RPF2: variants seen among roughly 807,000 people sequenced by gnomAD.
RPF2 encodes brix domain containing 1.
A neutral mutation model predicts 38.9 loss-of-function variants in RPF2; 21 were observed. That is an observed-to-expected ratio of 0.54 (90% CI 0.38 to 0.78). RPF2 has a LOEUF of 0.78. Among genes scored for constraint, RPF2 ranks in the 30% least tolerant of loss-of-function variants. The pLI is 0.00. For synonymous variants in RPF2, 121 were observed against 126.2 expected (o/e 0.96, Z 0.28); for missense variants, 314 against 358.1 (o/e 0.88, Z 0.99).
In RPF2 at chr6:110,985,010, C is replaced by T; in HGVS notation, c.28C>T (p.Pro10Ser). The change falls in exon 2 of 10, where the codon CCC becomes TCC. Residue 10 changes from proline (P) to serine (S), a missense_variant. Coordinates refer to ENST00000441448, the MANE Select transcript of RPF2 (RefSeq NM_032194.3). The stretch of plus-strand genomic sequence containing the variant: ...GAATTGTGCTTTTCTGAACAGAAAG[C>T]CCAAAACGAAAAGAGCCAAGAGATT... MDTLDRVVK[P>S]KTKRAKRFLE... The T allele has an allele frequency of 6.2e-7, 1 of 1,608,364 alleles. No homozygotes were observed. Among genetic ancestry groups the T allele is most frequent in the Non-Finnish European group, 8.5e-7 (1 of 1,177,914 alleles).
In RPF2 at chr6:111,025,618, C is replaced by T; in HGVS notation, c.*36C>T. On this transcript the variant is annotated 3_prime_UTR_variant, in exon 10 of 10. Transcript: ENST00000441448. ...CCAGCCACTACTGTTTCATTGTGTT[C>T]TACTTAAGAGAATTATCAAGCGTCA... 2 of 1,499,716 alleles carry T rather than the reference C, an allele frequency of 1.3e-6. No homozygotes were observed. Among genetic ancestry groups the T allele is most frequent in the Non-Finnish European group, 1.8e-6 (2 of 1,098,840 alleles). The allele number at this position is 1,499,716 out of a possible 1,614,324, so 92.9% of individuals were successfully genotyped here.
At chr6:111,017,322 C>A (rs1772137261) in intron 8 of RPF2, among the ~76,000 whole-genome samples, 1 of 151,018 alleles carries the variant, frequency 6.6e-6, no homozygotes, top group African/African-American at 2.4e-5. Flanking sequence ...CCCCACCTCC[C>A]TCCCGGATGG....
At position 111,025,404 on chromosome 6, in the gene RPF2, C is replaced by A; in HGVS notation, c.743C>A (p.Pro248Gln). Reference sequence around the variant, plus strand: ...TATATACATATTCTTTTATCGTAGCCAAAGAAGAAGAAAAATATTTCCCAT... The same window carrying A: ...TATATACATATTCTTTTATCGTAGCAAAAGAAGAAGAAAAATATTTCCCAT... ...LSMKMPKALK[P>Q]KKKKNISHDT... Residue 248 changes from proline (P) to glutamine (Q), a missense_variant and splice_region_variant, in exon 10 of 10, where the codon CCA (proline) becomes CAA (glutamine). Pro to Gln is a moderately conservative substitution (Grantham distance 76, BLOSUM62 -1). Coordinates refer to ENST00000441448, the MANE Select transcript of RPF2 (RefSeq NM_032194.3). 6.3e-7 allele frequency: 1 copy of A among 1,592,470 alleles called. No individual in the cohort carries two copies. Among genetic ancestry groups the A allele is most frequent in the South Asian group, 1.1e-5 (1 of 87,578 alleles).
At chr6:110,992,445 C>CTTTT (rs56993092) in intron 4 of RPF2, among the ~76,000 whole-genome samples, 9,693 of 141,358 alleles carry the variant, frequency 0.069, 427 homozygotes, top group African/African-American at 0.12. Flanking sequence ...GATGTTTTTA[C>CTTTT]TTTTTTTTTT....
At position 111,008,141 on chromosome 6, in the gene RPF2, A is replaced by G; in HGVS notation, c.493+4A>G. ...AGACTAAAAAGTCTTCTTATTGGTA[A>G]GTATTTTAGTATTTATTATCTTCAG... On this transcript the variant is annotated splice_donor_region_variant and intron_variant, in intron 7 of 9. Transcript: ENST00000441448. 1 of 1,590,720 alleles carries G rather than the reference A, an allele frequency of 6.3e-7. No homozygotes were observed. Among genetic ancestry groups the G allele is most frequent in the South Asian group, 1.2e-5 (1 of 85,144 alleles).
At chr6:111,016,640 A>G (rs1355121375) in intron 8 of RPF2, among the ~76,000 whole-genome samples, 2 of 151,622 alleles carry the variant, frequency 1.3e-5, no homozygotes, top group Non-Finnish European at 2.9e-5. Context: ...ATGTTTATTA[A>G]AGAGTTAATG....
At chr6:110,995,913 A>G (rs1216767665) in intron 4 of RPF2, among the ~76,000 whole-genome samples, 1 of 151,786 alleles carries the variant, frequency 6.6e-6, no homozygotes, top group African/African-American at 2.4e-5. Flanking sequence ...CCTGGTCTCA[A>G]GCGATCCTTC....
intron 6 of RPF2, among the ~76,000 whole-genome samples, chr6:111,005,907 G>A (rs938213061): frequency 1.1e-4 from 17 of 152,138 alleles, no homozygotes; most frequent in Non-Finnish European, 2.5e-4. Flanking sequence ...CACCTCCTGG[G>A]TTCAAGCAAT....
At chr6:111,017,806 G>C (rs897925130) in intron 8 of RPF2, among the ~76,000 whole-genome samples, 11 of 151,582 alleles carry the variant, frequency 7.3e-5, no homozygotes, top group Non-Finnish European at 1.3e-4. Flanking sequence ...CTTCCCAGAC[G>C]GGGTGGCGGC....
At chr6:111,006,844 C>T (rs1390192005) in intron 6 of RPF2, among the ~76,000 whole-genome samples, 3 of 151,974 alleles carry the variant, frequency 2.0e-5, no homozygotes, top group Admixed American at 6.6e-5. Flanking sequence ...GAGGCCAAGG[C>T]GGGCAGATCA....
chr6:111,011,397 C>CT (rs397961264), intron 7 of RPF2, among the ~76,000 whole-genome samples: 1 of 115,830 alleles, frequency 8.6e-6, no homozygotes, highest in Non-Finnish European at 1.9e-5. Flanking sequence ...AAGCAATTCT[C>CT]TTCCTTAGCC....
At chr6:110,982,356 G>C (rs1364312968) in intron 1 of RPF2, 2 of 595,928 alleles carry the variant, frequency 3.4e-6, no homozygotes, top group African/African-American at 3.7e-5. Flanking sequence ...GGATTGAAGC[G>C]TTGGCCGCTT....
intron 6 of RPF2, among the ~76,000 whole-genome samples, chr6:111,007,109 C>T (rs1562371940): frequency 6.6e-6 from 1 of 152,154 alleles, no homozygotes; most frequent in Non-Finnish European, 1.5e-5. Context: ...GAACTCACTC[C>T]TGGCCTCAAG....
At chr6:111,017,100 A>T (rs1772129473) in intron 8 of RPF2, among the ~76,000 whole-genome samples, 1 of 152,206 alleles carries the variant, frequency 6.6e-6, no homozygotes, top group Non-Finnish European at 1.5e-5. Flanking sequence ...CAGACACAGC[A>T]ACAATCTGAT....
Position 110,982,065 on chromosome 6 carries a change from A to G in RPF2, c.-42A>G, listed in dbSNP as rs1583254589. 1.2e-6 allele frequency: 2 copies of G among 1,613,166 alleles called. No individual in the cohort carries two copies. The highest frequency in any genetic ancestry group is 1.7e-5 in the Admixed American group (1 of 60,010). Reference sequence around the variant, plus strand: ...TCCGGCGCACGTAATCGCCGAGGGCACGTGCATGCCCCCTGGTTAAGAGTT... The same window carrying G: ...TCCGGCGCACGTAATCGCCGAGGGCGCGTGCATGCCCCCTGGTTAAGAGTT... On this transcript the variant is annotated 5_prime_UTR_variant, in exon 1 of 10. Coordinates refer to ENST00000441448, the MANE Select transcript of RPF2 (RefSeq NM_032194.3).
At position 110,997,276 on chromosome 6, in the gene RPF2, T is replaced by G. The variant is rs1335010318; in HGVS notation, c.316+12T>G. ...TAATCTAGTAATAGGTAAGTATAAT[T>G]TACTTTTTAATGTTTTCACTGATAG... is the stretch of plus-strand genomic sequence containing the variant. On this transcript the variant is annotated intron_variant, in intron 5 of 9. Transcript: ENST00000441448. The G allele has an allele frequency of 1.3e-6, 2 of 1,504,752 alleles. No homozygotes were observed. Among genetic ancestry groups the G allele is most frequent in the South Asian group, 2.3e-5 (2 of 87,392 alleles). The allele number at this position is 1,504,752 out of a possible 1,614,324, so 93.2% of individuals were successfully genotyped here.
intron 6 of RPF2, among the ~76,000 whole-genome samples, chr6:111,001,441 G>A (rs1221358755): frequency 3.3e-5 from 5 of 151,862 alleles, no homozygotes; most frequent in African/African-American, 7.3e-5. Context: ...GCAGTGGCGC[G>A]ATCTCAGCTC....
intron 6 of RPF2, among the ~76,000 whole-genome samples, chr6:111,004,558 T>G (rs1395708066): frequency 6.6e-6 from 1 of 151,760 alleles, no homozygotes; most frequent in Non-Finnish European, 1.5e-5. Context: ...GGTTTTTTTT[T>G]TTTTGGAGAC....
chr6:111,027,558 A>G lies in RPF2; in HGVS notation c.*1976A>G, dbSNP rs1231257872. 6.6e-6 allele frequency: 1 copy of G among 152,204 alleles called. No individual in the cohort carries two copies. Among genetic ancestry groups the G allele is most frequent in the East Asian group, 1.9e-4 (1 of 5,196 alleles). 9.4% of individuals were successfully genotyped at this position (152,204 alleles called of 1,614,324 possible). The stretch of plus-strand genomic sequence containing the variant: ...CACCAGCCGCTTACGGGACCCTGCC[A>G]TGCCTGGACCCCTCTATCAGGAAGA... On this transcript the variant is annotated 3_prime_UTR_variant, in exon 10 of 10. Transcript: ENST00000441448.
Sources: gnomAD v4.1 joint callset for allele counts (sites outside exome capture counted in the v4.1 genomes callset) on GRCh38, gnomAD v4.1.1 for gene constraint, MANE v1.5 for transcripts, NCBI Gene and HGNC (gene_info 2026-07-23, HGNC 2026-07-21) for gene names.